Variants in MTR observed in about 807,000 individuals in gnomAD.
The protein encoded by MTR is methionine synthase.
MTR carries 84 observed loss-of-function variants against 154.8 expected under a neutral mutation model. The ratio of observed to expected loss-of-function variants is 0.54; its 90% CI spans 0.45 to 0.65. MTR has a LOEUF of 0.65. Among genes scored for constraint, MTR ranks in the 30% least tolerant of loss-of-function variants. MTR has a pLI of 0.00. For synonymous variants in MTR, 554 were observed against 553.9 expected (o/e 1.00, Z 0.00); for missense variants, 1,275 against 1,570.2 (o/e 0.81, Z 3.18).
At chr1:236,876,480 G>A (rs1382660882) in intron 24 of MTR, among the ~76,000 whole-genome samples, 1 of 152,046 alleles carries the variant, frequency 6.6e-6, no homozygotes, top group Middle Eastern at 3.2e-3. Flanking sequence ...GAGGACCTAT[G>A]GACTGTTGTC....
At chr1:236,890,773 A>G (rs1376527197) in intron 28 of MTR, among the ~76,000 whole-genome samples, 1 of 152,244 alleles carries the variant, frequency 6.6e-6, no homozygotes, top group East Asian at 1.9e-4. Flanking sequence ...CTGCAAAGTC[A>G]GTGGAGTTGT....
chr1:236,799,124 T>G (rs1413464477), intron 1 of MTR, among the ~76,000 whole-genome samples: 1 of 152,090 alleles, frequency 6.6e-6, no homozygotes, highest in Non-Finnish European at 1.5e-5. Flanking sequence ...CTATGTTTTT[T>G]TTTTTCCCCC....
intron 15 of MTR, among the ~76,000 whole-genome samples, chr1:236,844,500 G>A (rs1313125528): frequency 9.9e-6 from 1 of 100,962 alleles, no homozygotes; most frequent in Non-Finnish European, 2.1e-5. Flanking sequence ...GTGTGTGTGT[G>A]TGTAGATGCT....
At chr1:236,860,068 TGC>T (rs1664436371) in intron 19 of MTR, 146 bp downstream of exon 19, 2 of 264,360 alleles carry the variant, frequency 7.6e-6, no homozygotes, top group Non-Finnish European at 7.0e-6. Flanking sequence ...GTCCCCCAGC[TGC>T]CCCCCCCCCC....
At chr1:236,835,814 A>G (rs766151310) in intron 14 of MTR, 127 bp downstream of exon 14, 172 of 1,297,324 alleles carry the variant, frequency 1.3e-4, no homozygotes, top group Non-Finnish European at 1.8e-4. Context: ...CATCGAAAAC[A>G]GGGTAGTTTC....
chr1:236,846,817 C>T (rs1385002331), intron 15 of MTR, among the ~76,000 whole-genome samples: 1 of 152,048 alleles, frequency 6.6e-6, no homozygotes, highest in Non-Finnish European at 1.5e-5. Flanking sequence ...GTTTCCCTTC[C>T]TACTTGTCAG....
chr1:236,802,628 C>T (rs538673327), intron 1 of MTR, among the ~76,000 whole-genome samples: 6 of 151,398 alleles, frequency 4.0e-5, no homozygotes, highest in South Asian at 2.1e-4. Context: ...CTTCTTTGTA[C>T]GGGATTAGGT....
intron 8 of MTR, among the ~76,000 whole-genome samples, chr1:236,817,015 G>A (rs1325380534): frequency 1.3e-5 from 2 of 152,180 alleles, no homozygotes; most frequent in African/African-American, 4.8e-5. Flanking sequence ...GTTGGAGGCT[G>A]TAGTATACTA....
rs1333592892 is a variant in MTR, at chr1:236,803,605, G to A, written c.212G>A (p.Ser71Asn). The A allele has an allele frequency of 1.6e-5, 26 of 1,614,058 alleles. No individual in the cohort carries two copies. Among genetic ancestry groups the A allele is most frequent in the Non-Finnish European group, 2.0e-5 (24 of 1,180,022 alleles). ...RPLKGNNDIL[S>N]ITQPDVIYQI... Reference sequence around the variant, plus strand: ...CTGAAAGGCAACAATGACATTTTAAGTATAACTCAGCCTGATGTCATTTAC... The same window carrying A: ...CTGAAAGGCAACAATGACATTTTAAATATAACTCAGCCTGATGTCATTTAC... Residue 71 changes from serine to asparagine, a missense_variant, in exon 2 of 33, where the codon AGT becomes AAT. By Grantham distance (46) the Ser-to-Asn change is conservative. Transcript: ENST00000366577.
chr1:236,821,264 C>A (rs1416104024), intron 8 of MTR, among the ~76,000 whole-genome samples: 1 of 152,176 alleles, frequency 6.6e-6, no homozygotes, highest in Non-Finnish European at 1.5e-5. Flanking sequence ...TTTATAACGA[C>A]CCGTTCTTGA....
chr1:236,800,666 G>A (rs1660653658), intron 1 of MTR, among the ~76,000 whole-genome samples: 2 of 152,130 alleles, frequency 1.3e-5, no homozygotes, highest in African/African-American at 2.4e-5. Flanking sequence ...ACAGCCCACT[G>A]AGCTTTGTAA....
intron 25 of MTR, among the ~76,000 whole-genome samples, chr1:236,884,178 C>T (rs900970649): frequency 5.9e-5 from 9 of 152,198 alleles, no homozygotes; most frequent in Admixed American, 3.9e-4. Flanking sequence ...AGATTAGCCT[C>T]ATTCCCTCAG....
At chr1:236,855,770 C>T (rs2103268292) in intron 18 of MTR, among the ~76,000 whole-genome samples, 1 of 152,246 alleles carries the variant, frequency 6.6e-6, no homozygotes, top group Non-Finnish European at 1.5e-5. Context: ...ATGACAATTG[C>T]TTGGTCAGTT....
At chr1:236,850,194 G>C (rs781079592) in intron 15 of MTR, 150 bp from the exon 16 acceptor site, 192 of 393,386 alleles carry the variant, frequency 4.9e-4, no homozygotes, top group Non-Finnish European at 6.5e-4. Context: ...TGACACTTGA[G>C]TGTTTTCAGT....
intron 18 of MTR, among the ~76,000 whole-genome samples, chr1:236,855,660 C>T (rs549023803): frequency 2.0e-4 from 31 of 152,276 alleles, no homozygotes; most frequent in African/African-American, 3.8e-4. Flanking sequence ...CCTACACAAC[C>T]GTGAGGCCCC....
chr1:236,825,016 A>G (rs983893044), intron 9 of MTR, among the ~76,000 whole-genome samples: 8 of 152,134 alleles, frequency 5.3e-5, no homozygotes, highest in Non-Finnish European at 1.0e-4. Flanking sequence ...CCAAGCGGCT[A>G]TGTAACAAGA....
intron 25 of MTR, 113 bp downstream of exon 25, chr1:236,880,949 A>G (rs1665699836): frequency 1.8e-6 from 2 of 1,083,866 alleles, no homozygotes; most frequent in African/African-American, 1.6e-5. Context: ...ATAAAGGTCA[A>G]AGAGCAGCCT....
chr1:236,808,449 G>A (rs1661110270), intron 3 of MTR, among the ~76,000 whole-genome samples: 2 of 152,094 alleles, frequency 1.3e-5, no homozygotes, highest in African/African-American at 4.8e-5. Flanking sequence ...GATGTCTAGG[G>A]ATTGCCCTTT....
intron 24 of MTR, among the ~76,000 whole-genome samples, chr1:236,878,031 T>G (rs959343794): frequency 2.8e-4 from 42 of 152,258 alleles, no homozygotes; most frequent in African/African-American, 9.9e-4. Context: ...GTATTCTGCT[T>G]TATTCTTATT....
Sources: gnomAD v4.1 joint callset for allele counts (sites outside exome capture counted in the v4.1 genomes callset) on GRCh38, gnomAD v4.1.1 for gene constraint, MANE v1.5 for transcripts, NCBI Gene and HGNC (gene_info 2026-07-23, HGNC 2026-07-21) for gene names.